The following PLXNA3 variants were observed in gnomAD, a reference collection of about 807,000 sequenced individuals.
PLXNA3 encodes the protein plexin-A3.
Under a neutral mutation model 118.8 loss-of-function variants are expected in PLXNA3, and 52 were observed. That is an observed-to-expected ratio of 0.44 (90% CI 0.35 to 0.55). PLXNA3 has a LOEUF of 0.55. Among genes scored for constraint, PLXNA3 ranks in the 20% least tolerant of loss-of-function variants. The probability of loss-of-function intolerance (pLI) is 0.01; values close to 1 mark genes in which losing one functional copy is unlikely to be tolerated. For missense variants in PLXNA3, 1,660 were observed against 1,730.8 expected (o/e 0.96, Z 0.73); for synonymous variants, 925 against 762.4 (o/e 1.21, Z -3.51).
rs2069246081 is a variant in PLXNA3 at position 154,477,710 on chromosome X, CA to C, written c.*5026del. On this transcript the variant is annotated 3_prime_UTR_variant, in exon 33 of 33. Transcript: ENST00000369682. ...TATCTGAATTCTAGAACCCCCCCCC[CA>C]GCAACCCAAGCACAACAAGAATATT... The C allele has an allele frequency of 3.3e-6, 1 of 299,928 alleles. No homozygotes were observed. The highest frequency in any genetic ancestry group is 5.3e-5 in the East Asian group (1 of 18,982). 24.7% of individuals were successfully genotyped at this position (299,928 alleles called of 1,213,427 possible).
chrX:154,464,522 C>G, intron 9 of PLXNA3, 21 bp downstream of exon 9: 2 of 1,153,499 alleles, frequency 1.7e-6, no homozygotes, highest in Non-Finnish European at 2.4e-6. Context: ...GGCCAGCACC[C>G]GTCCCTACCC....
intron 2 of PLXNA3, 32 bp from the exon 3 acceptor site, chrX:154,461,067 A>G: frequency 8.7e-7 from 1 of 1,152,736 alleles, no homozygotes; most frequent in Non-Finnish European, 1.2e-6. Flanking sequence ...ACAGGGCCTC[A>G]CCGGATGCTG....
intron 29 of PLXNA3, 33 bp downstream of exon 29, chrX:154,470,200 G>A (rs782214050): frequency 2.5e-6 from 3 of 1,178,321 alleles, no homozygotes; most frequent in Non-Finnish European, 3.4e-6. Flanking sequence ...CTTGGCCTCC[G>A]CCCAGAGGTT....
At position 154,460,483 on chromosome X, in the gene PLXNA3, G is replaced by A; in HGVS notation, c.300G>A (p.Leu100=). The A allele has an allele frequency of 8.3e-7, 1 of 1,209,145 alleles. No homozygotes were observed. Among genetic ancestry groups the A allele is most frequent in the African/African-American group, 1.7e-5 (1 of 58,002 alleles). Residue 100 remains leucine, a synonymous_variant, in exon 2 of 33, where the codon CTG becomes CTA. Transcript: ENST00000369682. The stretch of plus-strand genomic sequence containing the variant: ...CCGTGGACAACATCAACAAGCTGCT[G>A]CTCATAGACTATGCGGCCCGCCGCC... The part of the protein sequence containing the change: ...LAPVDNINKL[L]LIDYAARRLV...
chrX:154,459,852 G>C (rs1347513071), intron 1 of PLXNA3, among the ~76,000 whole-genome samples: 1 of 113,315 alleles, frequency 8.8e-6, no homozygotes, highest in African/African-American at 3.2e-5. Context: ...GCTGTTCTTT[G>C]CTGTTGGTTG....
chrX:154,462,734 C>T (rs1284315352), intron 4 of PLXNA3, among the ~76,000 whole-genome samples: 2 of 111,709 alleles, frequency 1.8e-5, no homozygotes, highest in African/African-American at 6.5e-5. Flanking sequence ...TACTTCCCAT[C>T]CTTCCCCTCC....
chrX:154,462,437 A>C, intron 4 of PLXNA3, 127 bp downstream of exon 4: 2 of 530,719 alleles, frequency 3.8e-6, no homozygotes, highest in Non-Finnish European at 5.4e-6. Context: ...AGGGAGGGAG[A>C]TTTCCCTGGC....
Position 154,460,422 on chromosome X carries a change from C to T in PLXNA3, c.239C>T (p.Pro80Leu). 1.7e-6 allele frequency: 2 copies of T among 1,203,336 alleles called. No individual in the cohort carries two copies. Among genetic ancestry groups the T allele is most frequent in the Non-Finnish European group, 2.2e-6 (2 of 890,210 alleles). ...PVEDNARCYPPPSMRVCAHRL... is the reference protein window; with the variant it reads ...PVEDNARCYPLPSMRVCAHRL... Reference sequence around the variant, plus strand: ...GAGGACAACGCTCGCTGCTACCCGCCCCCCAGCATGCGCGTGTGTGCCCAC... The same window carrying T: ...GAGGACAACGCTCGCTGCTACCCGCTCCCCAGCATGCGCGTGTGTGCCCAC... The change falls in exon 2 of 33, where the codon CCC becomes CTC. Residue 80 changes from proline to leucine, a missense_variant. Physicochemically the swap from Pro to Leu is moderately conservative, Grantham distance 98. Around this residue, in one of 2 missense-constraint regions of PLXNA3, gnomAD observed 791 missense variants for 652.1 expected, o/e 1.21. Coordinates refer to ENST00000369682, the MANE Select transcript of PLXNA3 (RefSeq NM_017514.5).
chrX:154,464,095 C>T (rs376607646), intron 7 of PLXNA3, 21 bp downstream of exon 7: 17 of 1,209,649 alleles, frequency 1.4e-5, no homozygotes, highest in African/African-American at 1.4e-4. Context: ...TGGGGGTGCC[C>T]GGCTGGGTGT....
rs782533084 is a variant in PLXNA3 at position 154,461,158 on chromosome X, G to A, written c.654G>A (p.Leu218=). 3.3e-6 allele frequency: 4 copies of A among 1,211,163 alleles called. No individual in the cohort carries two copies. In the South Asian group the frequency reaches 7.0e-5, roughly 21 times the overall value. ...QIKIPSDTLS[L]YPAFDIYYIY... Reference sequence around the variant, plus strand: ...AGATCCCCTCAGACACGCTGTCCTTGTACCCTGCCTTTGACATCTACTACA... The same window carrying A: ...AGATCCCCTCAGACACGCTGTCCTTATACCCTGCCTTTGACATCTACTACA... The change falls in exon 3 of 33, where the codon TTG becomes TTA. Residue 218 remains leucine, a synonymous_variant. Coordinates refer to ENST00000369682, the MANE Select transcript of PLXNA3 (RefSeq NM_017514.5).
Position 154,463,443 on chromosome X carries a change from T to C in PLXNA3, c.1370T>C (p.Val457Ala), listed in dbSNP as rs1557205502. ...DAHLYETVPV[V>A]DGSPILRDLL... ...CACCTGTATGAGACAGTCCCCGTGGTGGATGGCAGCCCCATCCTCCGAGAC... is the reference window on the plus strand; with the variant it reads ...CACCTGTATGAGACAGTCCCCGTGGCGGATGGCAGCCCCATCCTCCGAGAC... Residue 457 changes from valine (V) to alanine (A), a missense_variant, in exon 5 of 33, where the codon GTG becomes GCG. Around this residue, in one of 2 missense-constraint regions of PLXNA3, gnomAD observed 791 missense variants for 652.1 expected, o/e 1.21. Coordinates refer to ENST00000369682, the MANE Select transcript of PLXNA3 (RefSeq NM_017514.5). The C allele has an allele frequency of 8.3e-7, 1 of 1,207,548 alleles. No homozygotes were observed. Among genetic ancestry groups the C allele is most frequent in the East Asian group, 3.0e-5 (1 of 33,771 alleles).
rs187788280 is a variant in PLXNA3 at position 154,469,276 on chromosome X, C to T, written c.4594+61C>T. The T allele has an allele frequency of 6.6e-4, 770 of 1,163,565 alleles. 4 individuals are homozygous for T. The South Asian group carries it at 7.2e-3, about 11-fold the overall frequency. ...ATACCCTCCTGTGCCGTGTGACCTCCGTGGGCTCTCCCGCTCCCCACCTGA... is the reference window on the plus strand; with the variant it reads ...ATACCCTCCTGTGCCGTGTGACCTCTGTGGGCTCTCCCGCTCCCCACCTGA... On this transcript the variant is annotated intron_variant, in intron 26 of 32. Transcript: ENST00000369682.
chrX:154,460,460 G>A lies in PLXNA3; in HGVS notation c.277G>A (p.Val93Met), dbSNP rs782400956. Residue 93 changes from valine (V) to methionine (M), a missense_variant, in exon 2 of 33, where the codon GTG (valine) becomes ATG (methionine). Physicochemically the swap from Val to Met is conservative, Grantham distance 21. This residue lies in a region of PLXNA3 where 791 missense variants were observed against 652.1 expected (regional missense o/e 1.21). Coordinates refer to ENST00000369682, the MANE Select transcript of PLXNA3 (RefSeq NM_017514.5). ...MRVCAHRLAP[V>M]DNINKLLLID... The stretch of plus-strand genomic sequence containing the variant: ...CGTGTGTGCCCACCGCCTGGCCCCC[G>A]TGGACAACATCAACAAGCTGCTGCT... The A allele has an allele frequency of 7.6e-5, 91 of 1,203,852 alleles. No individual in the cohort carries two copies. Among genetic ancestry groups the A allele is most frequent in the African/African-American group, 5.9e-4 (34 of 57,517 alleles).
In PLXNA3 at chrX:154,465,125, G is replaced by T; in HGVS notation, c.2151G>T (p.Lys717Asn). 1 of 1,211,165 alleles carries T rather than the reference G, an allele frequency of 8.3e-7. No individual in the cohort carries two copies. Among genetic ancestry groups the T allele is most frequent in the Non-Finnish European group, 1.1e-6 (1 of 895,326 alleles). ...TACCTCAGCCGCAGTCGGGCCAGAA[G>T]AACTATGAGTGCGTGGTGCGGGTGC... ...KNLPQPQSGQKNYECVVRVQG... is the reference protein window; with the variant it reads ...KNLPQPQSGQNNYECVVRVQG... Residue 717 changes from lysine (K) to asparagine (N), a missense_variant, in exon 11 of 33, where the codon AAG (lysine) becomes AAT (asparagine). Physicochemically the swap from Lys to Asn is moderately conservative, Grantham distance 94. Coordinates refer to ENST00000369682, the MANE Select transcript of PLXNA3 (RefSeq NM_017514.5).
chrX:154,470,597 C>T lies in PLXNA3; in HGVS notation c.5142C>T (p.Thr1714=), dbSNP rs1569554736. 6 of 1,209,511 alleles carry T rather than the reference C, an allele frequency of 5.0e-6. No homozygotes were observed. The highest frequency in any genetic ancestry group is 2.2e-5 in the Admixed American group (1 of 45,951). Reference sequence around the variant, plus strand: ...TCAGCGACCCCGATGTGCGCCACACCTGGAAGAGCAACTGGTATCACCCCG... The same window carrying T: ...TCAGCGACCCCGATGTGCGCCACACTTGGAAGAGCAACTGGTATCACCCCG... The part of the protein sequence containing the change: ...RQISDPDVRH[T]WKSNCLPLRF... Residue 1714 remains threonine, a synonymous_variant, in exon 30 of 33, where the codon ACC becomes ACT. Coordinates refer to ENST00000369682, the MANE Select transcript of PLXNA3 (RefSeq NM_017514.5).
Position 154,472,799 on chromosome X carries a change from G to A in PLXNA3, c.*114G>A. The stretch of plus-strand genomic sequence containing the variant: ...CTGAGCCCTGGATTGGGTATCGTGG[G>A]GCAGGTCACCCTGGCCACGATGCCC... On this transcript the variant is annotated 3_prime_UTR_variant, in exon 33 of 33. Coordinates refer to ENST00000369682, the MANE Select transcript of PLXNA3 (RefSeq NM_017514.5). The A allele has an allele frequency of 1.8e-6, 1 of 547,698 alleles. No homozygotes were observed. The highest frequency in any genetic ancestry group is 3.2e-6 in the Non-Finnish European group (1 of 313,571). 45.1% of individuals were successfully genotyped at this position (547,698 alleles called of 1,213,427 possible).
At position 154,472,982 on chromosome X, in the gene PLXNA3, C is replaced by T. The variant is rs1182956232; in HGVS notation, c.*297C>T. 2 of 245,142 alleles carry T rather than the reference C, an allele frequency of 8.2e-6. No homozygotes were observed. The highest frequency in any genetic ancestry group is 5.5e-5 in the African/African-American group (2 of 36,223). The allele number at this position is 245,142 out of a possible 1,213,427, so 20.2% of individuals were successfully genotyped here. Reference sequence around the variant, plus strand: ...CCCACCCTCCCTGCTATTTATATCCCTCTGCCTATTTATTGAATCGAACTT... The same window carrying T: ...CCCACCCTCCCTGCTATTTATATCCTTCTGCCTATTTATTGAATCGAACTT... On this transcript the variant is annotated 3_prime_UTR_variant, in exon 33 of 33. Coordinates refer to ENST00000369682, the MANE Select transcript of PLXNA3 (RefSeq NM_017514.5).
In PLXNA3 at chrX:154,477,712, G is replaced by C; in HGVS notation, c.*5027G>C. The stretch of plus-strand genomic sequence containing the variant: ...TCTGAATTCTAGAACCCCCCCCCCA[G>C]CAACCCAAGCACAACAAGAATATTG... On this transcript the variant is annotated 3_prime_UTR_variant, in exon 33 of 33. Coordinates refer to ENST00000369682, the MANE Select transcript of PLXNA3 (RefSeq NM_017514.5). 1 of 295,306 alleles carries C rather than the reference G, an allele frequency of 3.4e-6. No homozygotes were observed. Among genetic ancestry groups the C allele is most frequent in the African/African-American group, 3.1e-5 (1 of 31,766 alleles). 24.3% of individuals were successfully genotyped at this position (295,306 alleles called of 1,213,427 possible).
At chrX:154,460,010 C>T (rs113289757) in intron 1 of PLXNA3, 147 bp from the exon 2 acceptor site, 18,406 of 430,456 alleles carry the variant, frequency 0.043, 327 homozygotes, top group Non-Finnish European at 0.058. Flanking sequence ...AGCCTGCCCT[C>T]GCTGGCTGCT....
Sources: gnomAD v4.1 joint callset for allele counts (sites outside exome capture counted in the v4.1 genomes callset) on GRCh38, gnomAD v4.1.1 for gene constraint, gnomAD v4.1.1 regional missense constraint, MANE v1.5 for transcripts, NCBI Gene and HGNC (gene_info 2026-07-23, HGNC 2026-07-21) for gene names.